The following HTR1E variants were observed in gnomAD, a reference collection of about 807,000 sequenced individuals.
The protein encoded by HTR1E is 5-HT-1E.
In HTR1E, 3 loss-of-function variants were observed where a neutral mutation model predicts 3.4. The observed-to-expected ratio is 0.89, with a 90% CI of 0.41 to 2.31. The LOEUF is 2.31. HTR1E is among the 30% of genes most tolerant of loss of function. HTR1E has a pLI of 0.05. For synonymous variants in HTR1E, 170 were observed against 182.8 expected (o/e 0.93, Z 0.56); for missense variants, 392 against 467.0 (o/e 0.84, Z 1.48).
chr6:86,945,237 TTTTGTTTGTTTG>T (rs55799709), intron 1 of HTR1E, among the ~76,000 whole-genome samples: 14 of 151,808 alleles, frequency 9.2e-5, no homozygotes, highest in South Asian at 8.3e-4. Context: ...TGTATCTTAG[TTTTGTTTGTTTG>T]TTTGTTTGTT....
chr6:87,009,785 ACCT>A (rs1768175975), intron 1 of HTR1E, among the ~76,000 whole-genome samples: 1 of 97,548 alleles, frequency 1.0e-5, no homozygotes, highest in African/African-American at 4.8e-5. Context: ...AGGGGGGCTG[ACCT>A]CCCCCACCTC....
chr6:86,958,530 A>G (rs769753865), intron 1 of HTR1E, among the ~76,000 whole-genome samples: 31 of 152,152 alleles, frequency 2.0e-4, no homozygotes, highest in Non-Finnish European at 2.9e-5. Context: ...GAATACAGGC[A>G]TTATGAGGGC....
In HTR1E at chr6:87,015,839, C is replaced by G; in HGVS notation, c.505C>G (p.Pro169Ala). The change falls in exon 2 of 2, where the codon CCC (proline) becomes GCC (alanine). Residue 169 changes from proline (P) to alanine (A), a missense_variant. Physicochemically the swap from Pro to Ala is conservative, Grantham distance 27. Around this residue, in one of 3 missense-constraint regions of HTR1E, gnomAD observed 189 missense variants for 258.0 expected, o/e 0.73. Transcript: ENST00000305344. ...GAGAAGCCACCGCCGCCTAAGCCCT[C>G]CCCCTAGTCAGTGCACCATCCAGCA... ...FWRSHRRLSP[P>A]PSQCTIQHDH... 1 of 1,613,728 alleles carries G rather than the reference C, an allele frequency of 6.2e-7. No homozygotes were observed. Among genetic ancestry groups the G allele is most frequent in the Non-Finnish European group, 8.5e-7 (1 of 1,179,790 alleles).
chr6:86,951,054 C>T (rs1767233356), intron 1 of HTR1E, among the ~76,000 whole-genome samples: 1 of 152,112 alleles, frequency 6.6e-6, no homozygotes, highest in East Asian at 1.9e-4. Context: ...ATTGCAGAAC[C>T]TTCCTTGTCA....
intron 1 of HTR1E, among the ~76,000 whole-genome samples, chr6:86,947,476 T>C (rs1183661054): frequency 1.3e-5 from 2 of 152,118 alleles, no homozygotes; most frequent in Non-Finnish European, 2.9e-5. Context: ...TTCCTGCTTA[T>C]AAGTATATCA....
chr6:87,010,747 G>A (rs1296296199), intron 1 of HTR1E, among the ~76,000 whole-genome samples: 8 of 149,784 alleles, frequency 5.3e-5, no homozygotes, highest in Non-Finnish European at 1.2e-4. Flanking sequence ...AGACGGGGTG[G>A]CGGCCGGGCA....
chr6:86,964,981 C>T (rs1046459012), intron 1 of HTR1E, among the ~76,000 whole-genome samples: 2 of 152,152 alleles, frequency 1.3e-5, no homozygotes, highest in African/African-American at 4.8e-5. Context: ...TTTTGTTGTT[C>T]GAGCTGTTGC....
In HTR1E at chr6:86,937,621, G is replaced by T. The variant is rs148078229; in HGVS notation, c.-388G>T. The T allele has an allele frequency of 6.5e-6, 1 of 152,824 alleles. No individual in the cohort carries two copies. The highest frequency in any genetic ancestry group is 1.5e-5 in the Non-Finnish European group (1 of 68,182). 9.5% of individuals were successfully genotyped at this position (152,824 alleles called of 1,614,324 possible). A position where few individuals can be genotyped will look rare whatever the true frequency, so the allele number is the denominator to read the frequency against. ...CCGCGCTCCCAGGTTCTGTCTCGCCGCACCCCGGCGGGCACTGGCGCGGGC... is the reference window on the plus strand; with the variant it reads ...CCGCGCTCCCAGGTTCTGTCTCGCCTCACCCCGGCGGGCACTGGCGCGGGC... On this transcript the variant is annotated 5_prime_UTR_variant, in exon 1 of 2. Transcript: ENST00000305344.
chr6:87,005,467 T>C (rs76143749), intron 1 of HTR1E, among the ~76,000 whole-genome samples: 3,301 of 152,204 alleles, frequency 0.022, 104 homozygotes, highest in African/African-American at 0.075. Flanking sequence ...TTGACAAAAG[T>C]GCTGAGAACA....
chr6:86,993,204 A>G (rs1297706534), intron 1 of HTR1E, among the ~76,000 whole-genome samples: 1 of 152,182 alleles, frequency 6.6e-6, no homozygotes, highest in Non-Finnish European at 1.5e-5. Context: ...GACAGTATAT[A>G]AGAACTCTCT....
At chr6:86,994,914 T>C (rs1767914808) in intron 1 of HTR1E, among the ~76,000 whole-genome samples, 1 of 152,270 alleles carries the variant, frequency 6.6e-6, no homozygotes, top group Non-Finnish European at 1.5e-5. Flanking sequence ...CACCAACAGA[T>C]GGGATAAGTT....
chr6:86,941,866 A>AAAGG (rs202232341), intron 1 of HTR1E, among the ~76,000 whole-genome samples: 204 of 151,616 alleles, frequency 1.3e-3, no homozygotes, highest in South Asian at 3.8e-3. Context: ...AGGAAAGAAG[A>AAAGG]AAGGAAGGAA....
intron 1 of HTR1E, among the ~76,000 whole-genome samples, chr6:86,947,862 T>C (rs1767148882): frequency 6.6e-6 from 1 of 152,194 alleles, no homozygotes; most frequent in Non-Finnish European, 1.5e-5. Context: ...AGTAGTTTCT[T>C]TTCCTTTTTT....
chr6:87,010,457 C>T (rs1367363705), intron 1 of HTR1E, among the ~76,000 whole-genome samples: 2 of 151,310 alleles, frequency 1.3e-5, no homozygotes, highest in African/African-American at 4.8e-5. Context: ...AGACGCTCCT[C>T]ACCTCCCAGA....
At chr6:87,007,832 G>C (rs972358258) in intron 1 of HTR1E, among the ~76,000 whole-genome samples, 2 of 152,048 alleles carry the variant, frequency 1.3e-5, no homozygotes, top group Non-Finnish European at 2.9e-5. Context: ...TGCTCAAAAG[G>C]CTGAGGCAGA....
intron 1 of HTR1E, among the ~76,000 whole-genome samples, chr6:87,008,413 T>G (rs764623854): frequency 1.3e-5 from 2 of 152,198 alleles, no homozygotes; most frequent in Non-Finnish European, 2.9e-5. Context: ...AAGAAGAAAT[T>G]GGTACATGGT....
At chr6:86,965,524 T>G (rs1187593000) in intron 1 of HTR1E, among the ~76,000 whole-genome samples, 1 of 151,036 alleles carries the variant, frequency 6.6e-6, no homozygotes, top group Non-Finnish European at 1.5e-5. Context: ...TCATCAAGAG[T>G]TTGTAGAAAT....
chr6:86,941,748 T>C (rs1768548741), intron 1 of HTR1E, among the ~76,000 whole-genome samples: 1 of 152,122 alleles, frequency 6.6e-6, no homozygotes, highest in South Asian at 2.1e-4. Flanking sequence ...GAAAATATTT[T>C]GAGAAATAGC....
At chr6:86,973,147 T>C (rs1345157245) in intron 1 of HTR1E, among the ~76,000 whole-genome samples, 1 of 152,194 alleles carries the variant, frequency 6.6e-6, no homozygotes, top group Non-Finnish European at 1.5e-5. Flanking sequence ...AAAAACTGTA[T>C]CTTCATTCTA....
Sources: gnomAD v4.1 joint callset for allele counts (sites outside exome capture counted in the v4.1 genomes callset) on GRCh38, gnomAD v4.1.1 for gene constraint, gnomAD v4.1.1 regional missense constraint, MANE v1.5 for transcripts, NCBI Gene and HGNC (gene_info 2026-07-23, HGNC 2026-07-21) for gene names.